The following PAX7 variants were observed in gnomAD, a reference collection of about 807,000 sequenced individuals.
PAX7 encodes the protein paired box protein Pax-7.
A neutral mutation model predicts 50.7 loss-of-function variants in PAX7; 18 were observed. The observed-to-expected ratio is 0.36, with a 90% CI of 0.25 to 0.53. PAX7 has a LOEUF of 0.53. Ranked by LOEUF, PAX7 falls within the 20% of genes least tolerant of loss-of-function variation. The pLI, the probability that PAX7 is intolerant of heterozygous loss-of-function variation, is 0.93. For missense variants in PAX7, 644 were observed against 702.9 expected (o/e 0.92, Z 0.95); for synonymous variants, 310 against 290.4 (o/e 1.07, Z -0.69).
intron 4 of PAX7, among the ~76,000 whole-genome samples, chr1:18,663,703 G>A (rs947329830): frequency 6.6e-6 from 1 of 152,196 alleles, no homozygotes; most frequent in Non-Finnish European, 1.5e-5. Flanking sequence ...TTGAATTTGG[G>A]TTTTCTGACT....
chr1:18,660,539 C>T (rs1323713821), intron 4 of PAX7, among the ~76,000 whole-genome samples: 3 of 152,120 alleles, frequency 2.0e-5, no homozygotes, highest in Non-Finnish European at 2.9e-5. Flanking sequence ...CTCCCTTCCA[C>T]GCCCCAAGAT....
Position 18,636,424 on chromosome 1 carries a change from GGT to G in PAX7, c.586+57_586+58del. 6.3e-7 allele frequency: 1 copy of G among 1,597,518 alleles called. No homozygotes were observed. Among genetic ancestry groups the G allele is most frequent in the South Asian group, 1.1e-5 (1 of 89,760 alleles). ...CCCAGCCCGGGTTTTCCCACGCTCC[GGT>G]GTGCGGGCCAGTGGTTCGCTCCCGC... On this transcript the variant is annotated intron_variant, in intron 4 of 8. Transcript: ENST00000420770. This position sits in a 1 kb window ranked among gnomAD's most constrained non-coding sequence, Gnocchi z 5.1.
At chr1:18,657,842 C>G (rs1340073561) in intron 4 of PAX7, among the ~76,000 whole-genome samples, 5 of 152,182 alleles carry the variant, frequency 3.3e-5, no homozygotes, top group African/African-American at 4.8e-5. Flanking sequence ...TTTTTCTTCT[C>G]TCTCTGAAAA....
intron 4 of PAX7, among the ~76,000 whole-genome samples, chr1:18,672,564 G>T (rs984689733): frequency 1.3e-5 from 2 of 149,634 alleles, no homozygotes; most frequent in East Asian, 4.0e-4. Context: ...GTCCCCTCCT[G>T]CCAAATGCGG....
chr1:18,699,592 C>T (rs1160948962), intron 5 of PAX7, among the ~76,000 whole-genome samples: 1 of 149,144 alleles, frequency 6.7e-6, no homozygotes, highest in Non-Finnish European at 1.5e-5. Flanking sequence ...GGCAGAGTCT[C>T]GCTTGTCGCC....
In PAX7 at chr1:18,735,590, G is replaced by A; in HGVS notation, c.1156-42G>A. ...TGCCCAGTGTGCTCGTGTCTCTGGG[G>A]TCTGTCCGGTGAGCCTGGCACTAAT... On this transcript the variant is annotated intron_variant, in intron 7 of 8. Transcript: ENST00000420770. The surrounding 1 kb of genome is among the most constrained non-coding windows in gnomAD (Gnocchi z 4.0). 2 of 1,578,572 alleles carry A rather than the reference G, an allele frequency of 1.3e-6. No homozygotes were observed. Among genetic ancestry groups the A allele is most frequent in the Non-Finnish European group, 1.7e-6 (2 of 1,157,882 alleles).
chr1:18,694,623 T>A (rs2089127745), intron 5 of PAX7, among the ~76,000 whole-genome samples: 2 of 152,196 alleles, frequency 1.3e-5, no homozygotes, highest in South Asian at 4.2e-4. Context: ...GAGAGGAGCA[T>A]CTAAAGTCCA....
intron 4 of PAX7, among the ~76,000 whole-genome samples, chr1:18,652,457 C>T (rs988367230): frequency 6.6e-6 from 1 of 152,112 alleles, no homozygotes; most frequent in Admixed American, 6.5e-5. Context: ...AAGGGCTTGA[C>T]AAATATAAAG....
In PAX7 at chr1:18,745,824, G is replaced by C. The variant is rs1333859809; in HGVS notation, c.*895G>C. The C allele has an allele frequency of 4.3e-6, 1 of 232,364 alleles. No homozygotes were observed. Among genetic ancestry groups the C allele is most frequent in the African/African-American group, 2.2e-5 (1 of 45,284 alleles). 14.4% of individuals were successfully genotyped at this position (232,364 alleles called of 1,614,324 possible). A position where few individuals can be genotyped will look rare whatever the true frequency, so the allele number is the denominator to read the frequency against. ...TAGCTGAATCAGATGAGATGGGGAG[G>C]GGATAAAGTCTTGAGGATACATGAG... On this transcript the variant is annotated 3_prime_UTR_variant, in exon 9 of 9. Transcript: ENST00000420770.
At chr1:18,715,287 T>G (rs990696359) in intron 7 of PAX7, among the ~76,000 whole-genome samples, 3 of 152,246 alleles carry the variant, frequency 2.0e-5, no homozygotes, top group African/African-American at 7.2e-5. Flanking sequence ...GTGCTTTCCC[T>G]GTGCAGTTAC....
chr1:18,666,890 C>T (rs1036262033), intron 4 of PAX7, among the ~76,000 whole-genome samples: 1 of 152,184 alleles, frequency 6.6e-6, no homozygotes, highest in Non-Finnish European at 1.5e-5. Context: ...ATTTCCTCTT[C>T]GACTCACCTG....
At chr1:18,679,478 G>A (rs2088867929) in intron 4 of PAX7, among the ~76,000 whole-genome samples, 1 of 152,188 alleles carries the variant, frequency 6.6e-6, no homozygotes, top group African/African-American at 2.4e-5. Flanking sequence ...GCTTCATCTG[G>A]CCACTGGAGC....
At chr1:18,653,672 G>T (rs139785075) in intron 4 of PAX7, among the ~76,000 whole-genome samples, 1 of 151,870 alleles carries the variant, frequency 6.6e-6, no homozygotes, top group African/African-American at 2.4e-5. Context: ...GCACAGGTCG[G>T]GGGGGTTGTC....
chr1:18,725,957 C>T (rs2089561225), intron 7 of PAX7, among the ~76,000 whole-genome samples: 1 of 152,018 alleles, frequency 6.6e-6, no homozygotes, highest in South Asian at 2.1e-4. Flanking sequence ...AGATTGACAT[C>T]TTGTAAAACA....
chr1:18,742,873 T>C (rs1235372972), intron 8 of PAX7, among the ~76,000 whole-genome samples: 2 of 152,192 alleles, frequency 1.3e-5, no homozygotes, highest in Non-Finnish European at 2.9e-5. Context: ...TAAAGAACAG[T>C]GTCTCACTTC....
Position 18,717,365 on chromosome 1 carries a change from G to A in PAX7, c.1155+14069G>A, listed in dbSNP as rs1015311747. ...CAAGACCCTTGCTGCCTGCTGGAGA[G>A]AGAGGCTCCCTCGGGAGCGCCCCGT... is the stretch of plus-strand genomic sequence containing the variant. On this transcript the variant is annotated intron_variant, in intron 7 of 8. Transcript: ENST00000420770. Among the ~76,000 whole-genome samples the A allele has an allele frequency of 2.0e-5, 3 of 152,210 alleles. No homozygotes were observed. In the South Asian group the frequency reaches 6.2e-4, roughly 31 times the overall value.
intron 4 of PAX7, among the ~76,000 whole-genome samples, chr1:18,663,177 G>C (rs765578506): frequency 6.6e-6 from 1 of 152,182 alleles, no homozygotes; most frequent in African/African-American, 2.4e-5. Flanking sequence ...TCGACACCTC[G>C]CCAGTGATGG....
intron 4 of PAX7, among the ~76,000 whole-genome samples, chr1:18,641,411 G>A (rs1371097388): frequency 1.3e-5 from 2 of 152,138 alleles, no homozygotes; most frequent in Non-Finnish European, 2.9e-5. Context: ...GGAGCCAAGA[G>A]GGGCTCCCCA....
At chr1:18,737,612 G>A (rs1930850823) in intron 8 of PAX7, among the ~76,000 whole-genome samples, 1 of 152,268 alleles carries the variant, frequency 6.6e-6, no homozygotes. Context: ...GCGAATACAT[G>A]TATGTGTCAG....
Sources: allele counts gnomAD v4.1 joint callset (sites outside exome capture counted in the v4.1 genomes callset), GRCh38; gene constraint gnomAD v4.1.1; non-coding constraint Gnocchi (gnomAD v3.1); transcripts MANE v1.5; gene names NCBI Gene and HGNC (gene_info 2026-07-23, HGNC 2026-07-21).